Variants in TTLL1 observed in about 807,000 individuals in gnomAD.
TTLL1 encodes the protein polyglutamylase complex subunit TTLL1.
In TTLL1, 33 loss-of-function variants were observed where a neutral mutation model predicts 47.8. The observed-to-expected ratio is 0.69, with a 90% CI of 0.52 to 0.92. The LOEUF (loss-of-function observed/expected upper bound fraction) is 0.92. Among genes scored for constraint, TTLL1 ranks in the 40% least tolerant of loss-of-function variants. The pLI is 0.00. For missense variants in TTLL1, 488 were observed against 547.5 expected, an observed-to-expected ratio of 0.89 and a Z score of 1.08; for synonymous variants, 225 against 214.1, an observed-to-expected ratio of 1.05 and a Z score of -0.45.
Position 43,053,553 on chromosome 22 carries a change from T to TC in TTLL1, c.892-1667dup, listed in dbSNP as rs143189171. On this transcript the variant is annotated intron_variant, in intron 8 of 10. Coordinates refer to ENST00000266254, the MANE Select transcript of TTLL1 (RefSeq NM_012263.5). ...TGCCTGCATTGCGTAGCTCTCAGTG[T>TC]CTCTGTCCAGTCTCATGCTGCAGGT... 5.6e-3 allele frequency among the ~76,000 whole-genome samples: 855 copies of TC among 152,262 alleles called. 12 individuals carry two copies. The highest frequency in any genetic ancestry group is 0.02 in the African/African-American group (815 of 41,556).
At chr22:43,083,378 G>A (rs6003042) in intron 1 of TTLL1, among the ~76,000 whole-genome samples, 149,124 of 151,988 alleles carry the variant, frequency 0.98, 73,130 homozygotes, top group East Asian at 1. Context: ...CAAACAAACA[G>A]ACAAAAAACA....
intron 10 of TTLL1, among the ~76,000 whole-genome samples, chr22:43,042,315 C>T (rs5759109): frequency 6.6e-6 from 1 of 152,196 alleles, no homozygotes; most frequent in Non-Finnish European, 1.5e-5. Context: ...TGGCAAGCAG[C>T]TGGCACCGGG....
At chr22:43,076,834 G>C (rs1043188934) in intron 2 of TTLL1, among the ~76,000 whole-genome samples, 2 of 151,908 alleles carry the variant, frequency 1.3e-5, no homozygotes, top group Non-Finnish European at 2.9e-5. Flanking sequence ...AGGCATGGTG[G>C]CTCACGCCTG....
Position 43,069,763 on chromosome 22 carries a change from A to G in TTLL1, c.195T>C (p.Phe65=). ...TCCGGGTCAGTTCATAGTGGTTTGG[A>G]AAATGGTTGACTATTTGGTCATCTG... The part of the protein sequence containing the change: ...RLSDDQIVNH[F]PNHYELTRKD... The change falls in exon 4 of 11, where the codon TTT becomes TTC. Residue 65 remains phenylalanine (F), a synonymous_variant. Coordinates refer to ENST00000266254, the MANE Select transcript of TTLL1 (RefSeq NM_012263.5). The G allele has an allele frequency of 7.4e-6, 12 of 1,614,186 alleles. No individual in the cohort carries two copies. The highest frequency in any genetic ancestry group is 1.0e-5 in the Non-Finnish European group (12 of 1,180,042).
At chr22:43,055,654 T>G (rs942457891) in intron 8 of TTLL1, among the ~76,000 whole-genome samples, 3 of 151,334 alleles carry the variant, frequency 2.0e-5, no homozygotes, top group Non-Finnish European at 4.4e-5. Flanking sequence ...TTTTTTTTTT[T>G]GTAGAGACAG....
At chr22:43,049,292 G>A (rs1004889360) in intron 9 of TTLL1, among the ~76,000 whole-genome samples, 1 of 152,074 alleles carries the variant, frequency 6.6e-6, no homozygotes, top group Admixed American at 6.5e-5. Flanking sequence ...GGGAGGCCAA[G>A]ATGGGCAGAT....
chr22:43,052,845 C>A (rs941046849), intron 8 of TTLL1, among the ~76,000 whole-genome samples: 1 of 151,870 alleles, frequency 6.6e-6, no homozygotes, highest in Admixed American at 6.6e-5. Context: ...GATCACCTGA[C>A]GTCGGGAGTT....
intron 1 of TTLL1, among the ~76,000 whole-genome samples, chr22:43,087,968 C>T (rs1360852897): frequency 2.0e-5 from 3 of 151,380 alleles, no homozygotes; most frequent in Non-Finnish European, 4.4e-5. Context: ...GCCAACATGG[C>T]GAAACCCCAT....
At chr22:43,079,444 G>C (rs1928739833) in intron 2 of TTLL1, among the ~76,000 whole-genome samples, 1 of 152,248 alleles carries the variant, frequency 6.6e-6, no homozygotes, top group Admixed American at 6.5e-5. Context: ...GCAGACACGG[G>C]GCCACGCCAA....
chr22:43,055,036 T>C (rs1006537969), intron 8 of TTLL1, among the ~76,000 whole-genome samples: 1 of 150,938 alleles, frequency 6.6e-6, no homozygotes, highest in Non-Finnish European at 1.5e-5. Context: ...TTCTTTTTGT[T>C]TTTTGAGACA....
chr22:43,059,536 G>C lies in TTLL1; in HGVS notation c.748-9C>G, dbSNP rs770144702. ...ATGTGGTTGTAGTCCTCCTGGTGAC[G>C]GGAAAGCGGGCAGGCATCCCTCAGG... is the stretch of plus-strand genomic sequence containing the variant. On this transcript the variant is annotated splice_polypyrimidine_tract_variant and intron_variant, in intron 7 of 10. Coordinates refer to ENST00000266254, the MANE Select transcript of TTLL1 (RefSeq NM_012263.5). 1.8e-5 allele frequency: 29 copies of C among 1,609,642 alleles called. No homozygotes were observed. Among genetic ancestry groups the C allele is most frequent in the Non-Finnish European group, 2.2e-5 (26 of 1,177,918 alleles).
chr22:43,071,300 A>G (rs1218825876), intron 3 of TTLL1, among the ~76,000 whole-genome samples: 1 of 152,156 alleles, frequency 6.6e-6, no homozygotes, highest in African/African-American at 2.4e-5. Context: ...CAAAACACAG[A>G]ATCAGTGCTT....
chr22:43,073,348 TTTA>T (rs1359419502), intron 3 of TTLL1, among the ~76,000 whole-genome samples: 30 of 146,982 alleles, frequency 2.0e-4, no homozygotes, highest in African/African-American at 7.0e-4. Flanking sequence ...TATTTATTTA[TTTA>T]TTTATTTATT....
intron 2 of TTLL1, among the ~76,000 whole-genome samples, 199 bp from the exon 3 acceptor site, chr22:43,075,789 T>C (rs1928449377): frequency 6.6e-6 from 1 of 152,202 alleles, no homozygotes; most frequent in African/African-American, 2.4e-5. Context: ...GGGATGCCTC[T>C]GGCATCGGGC....
At chr22:43,088,331 T>C (rs1283003150) in intron 1 of TTLL1, among the ~76,000 whole-genome samples, 7 of 53,670 alleles carry the variant, frequency 1.3e-4, no homozygotes, top group East Asian at 4.2e-3. Context: ...CATCTTTTTT[T>C]TTTTTTTTTT....
rs559015354 is a variant in TTLL1, at chr22:43,078,325, G to A, written c.-5+1577C>T. ...ACCCTGGCCAACATGGGGAAACCCC[G>A]TCTCTACTAAAAATACAAAAATTAG... On this transcript the variant is annotated intron_variant, in intron 2 of 10. Transcript: ENST00000266254. 3.3e-5 allele frequency among the ~76,000 whole-genome samples: 5 copies of A among 150,070 alleles called. No individual in the cohort carries two copies. In the East Asian group the frequency reaches 6.0e-4, roughly 18 times the overall value.
intron 8 of TTLL1, among the ~76,000 whole-genome samples, chr22:43,054,772 C>T (rs1270078579): frequency 7.4e-6 from 1 of 135,906 alleles, no homozygotes; most frequent in Non-Finnish European, 1.5e-5. Flanking sequence ...GTGGCCCAGG[C>T]TGGAGTGCAG....
rs537453452 is a variant in TTLL1, at chr22:43,071,218, C to T, written c.114-1374G>A. ...AGGTGTGAGCCACCGTGCTTGGCAACGGCAGGAATACTTCTATAGGGACAA... is the reference window on the plus strand; with the variant it reads ...AGGTGTGAGCCACCGTGCTTGGCAATGGCAGGAATACTTCTATAGGGACAA... On this transcript the variant is annotated intron_variant, in intron 3 of 10. Transcript: ENST00000266254. Among the ~76,000 whole-genome samples, 13 of 151,796 alleles carry T rather than the reference C, an allele frequency of 8.6e-5. No homozygotes were observed. In the East Asian group the frequency reaches 1.8e-3, roughly 20 times the overall value.
At position 43,056,114 on chromosome 22, in the gene TTLL1, C is replaced by G. The variant is rs369848159; in HGVS notation, c.891+3270G>C. 5.9e-5 allele frequency among the ~76,000 whole-genome samples: 9 copies of G among 152,070 alleles called. No homozygotes were observed. The East Asian group carries it at 1.4e-3, about 23-fold the overall frequency. On this transcript the variant is annotated intron_variant, in intron 8 of 10. Transcript: ENST00000266254. Reference sequence around the variant, plus strand: ...CAGTGGCTCCTGCCTGTAATCCCAGCACTTTGGGAGTCCGAGGCAGGTGGA... The same window carrying G: ...CAGTGGCTCCTGCCTGTAATCCCAGGACTTTGGGAGTCCGAGGCAGGTGGA...
Sources: gnomAD v4.1 joint callset for allele counts (sites outside exome capture counted in the v4.1 genomes callset) on GRCh38, gnomAD v4.1.1 for gene constraint, MANE v1.5 for transcripts, NCBI Gene and HGNC (gene_info 2026-07-23, HGNC 2026-07-21) for gene names.